The following RALGAPB variants were observed in gnomAD, a reference collection of about 807,000 sequenced individuals.
The protein encoded by RALGAPB is ral GTPase-activating protein subunit beta.
A neutral mutation model predicts 161.1 loss-of-function variants in RALGAPB; 25 were observed. That is an observed-to-expected ratio of 0.16 (90% CI 0.11 to 0.22). The LOEUF is 0.22. Ranked by LOEUF, RALGAPB falls within the 10% of genes least tolerant of loss-of-function variation. The pLI, the probability that RALGAPB is intolerant of heterozygous loss-of-function variation, is 1.00. For missense variants in RALGAPB, 1,391 were observed against 1,815.2 expected, an observed-to-expected ratio of 0.77 and a Z score of 4.25; for synonymous variants, 629 against 626.1, an observed-to-expected ratio of 1.00 and a Z score of -0.07.
intron 24 of RALGAPB, among the ~76,000 whole-genome samples, chr20:38,564,082 C>T (rs1015499332): frequency 1.3e-5 from 2 of 152,102 alleles, no homozygotes; most frequent in Non-Finnish European, 2.9e-5. Context: ...GAACTAGTAT[C>T]AGAGGTCAGT....
chr20:38,568,159 C>T (rs909556407), intron 26 of RALGAPB, among the ~76,000 whole-genome samples: 1 of 151,800 alleles, frequency 6.6e-6, no homozygotes. Context: ...TTCTGAATGC[C>T]AGCATAGTTA....
chr20:38,509,270 T>C (rs1389275860), intron 6 of RALGAPB, 62 bp downstream of exon 6: 2 of 1,534,798 alleles, frequency 1.3e-6, no homozygotes, highest in Non-Finnish European at 1.8e-6. Context: ...GCAGGAATCA[T>C]GCTGTAAGTC....
intron 1 of RALGAPB, among the ~76,000 whole-genome samples, chr20:38,481,525 A>C (rs982886912): frequency 2.6e-5 from 4 of 152,174 alleles, no homozygotes; most frequent in Non-Finnish European, 5.9e-5. Flanking sequence ...ATCTCGTGAG[A>C]TTCATTCGCT....
rs754749634 is a variant in RALGAPB at position 38,526,057 on chromosome 20, G to C, written c.2050+15G>C. On this transcript the variant is annotated intron_variant, in intron 13 of 29. Coordinates refer to ENST00000262879, the MANE Select transcript of RALGAPB (RefSeq NM_020336.4). ...AATGATATTAGGTTTGTATTCACACGTTATTTTGTAAGTGAAACCAAAGTA... is the reference window on the plus strand; with the variant it reads ...AATGATATTAGGTTTGTATTCACACCTTATTTTGTAAGTGAAACCAAAGTA... The C allele has an allele frequency of 1.9e-6, 3 of 1,612,728 alleles. No homozygotes were observed. The African/African-American group carries it at 4.0e-5, about 22-fold the overall frequency.
At chr20:38,518,892 G>C (rs2086209487) in intron 9 of RALGAPB, among the ~76,000 whole-genome samples, 1 of 152,176 alleles carries the variant, frequency 6.6e-6, no homozygotes, top group Non-Finnish European at 1.5e-5. Flanking sequence ...TAGGGAGACT[G>C]TCAGTTCCAA....
chr20:38,498,867 G>C (rs1427345950), intron 4 of RALGAPB, among the ~76,000 whole-genome samples: 1 of 152,162 alleles, frequency 6.6e-6, no homozygotes, highest in African/African-American at 2.4e-5. Flanking sequence ...TTGAAGGGTG[G>C]CTTTCAAATA....
intron 5 of RALGAPB, among the ~76,000 whole-genome samples, chr20:38,508,745 T>C (rs1372333453): frequency 6.6e-6 from 1 of 152,210 alleles, no homozygotes; most frequent in Non-Finnish European, 1.5e-5. Flanking sequence ...GAAATCATCT[T>C]GAAAGTCTCC....
rs28452159 is a variant in RALGAPB at position 38,574,132 on chromosome 20, C to T, written c.4143-18C>T. The T allele has an allele frequency of 6.3e-7, 1 of 1,594,836 alleles. No individual in the cohort carries two copies. The highest frequency in any genetic ancestry group is 1.8e-5 in the Admixed American group (1 of 56,454). ...TTCAACTCTTGGGTGTCTGAGATAA[C>T]AATTTTCTTTTCTTAAGATCTACAA... On this transcript the variant is annotated intron_variant, in intron 28 of 29. Coordinates refer to ENST00000262879, the MANE Select transcript of RALGAPB (RefSeq NM_020336.4).
chr20:38,558,086 G>A (rs1182819794), intron 22 of RALGAPB, among the ~76,000 whole-genome samples: 1 of 152,142 alleles, frequency 6.6e-6, no homozygotes, highest in Non-Finnish European at 1.5e-5. Context: ...TATAATCTCA[G>A]TTGTCTTTAA....
intron 20 of RALGAPB, among the ~76,000 whole-genome samples, chr20:38,549,581 C>T (rs1601020610): frequency 1.3e-5 from 1 of 76,870 alleles, no homozygotes; most frequent in African/African-American, 2.8e-5. Context: ...CACACACATA[C>T]ATATACACAC....
In RALGAPB at chr20:38,564,124, G is replaced by A. The variant is rs183110138; in HGVS notation, c.3698-1235G>A. ...TGCACATTTTGCCTGCTGCAGAATA[G>A]GGGTGGATAGAGTGGCTATTGGGAT... is the stretch of plus-strand genomic sequence containing the variant. On this transcript the variant is annotated intron_variant, in intron 24 of 29. Coordinates refer to ENST00000262879, the MANE Select transcript of RALGAPB (RefSeq NM_020336.4). Among the ~76,000 whole-genome samples, 244 of 152,314 alleles carry A rather than the reference G, an allele frequency of 1.6e-3. 1 individual carries two copies. Among genetic ancestry groups the A allele is most frequent in the Non-Finnish European group, 2.5e-3 (169 of 68,030 alleles).
chr20:38,474,742 A>C (rs2084755827), intron 1 of RALGAPB, among the ~76,000 whole-genome samples: 1 of 152,036 alleles, frequency 6.6e-6, no homozygotes, highest in South Asian at 2.1e-4. Context: ...TTCTATCCCT[A>C]CTTCTAGATT....
rs1005193994 is a variant in RALGAPB at position 38,516,295 on chromosome 20, C to T, written c.976C>T (p.Pro326Ser). The T allele has an allele frequency of 1.2e-6, 2 of 1,614,018 alleles. No individual in the cohort carries two copies. The highest frequency in any genetic ancestry group is 1.7e-6 in the Non-Finnish European group (2 of 1,179,898). The change falls in exon 7 of 30, where the codon CCC becomes TCC. Residue 326 changes from proline to serine, a missense_variant. By Grantham distance (74) the Pro-to-Ser change is moderately conservative (BLOSUM62 -1). This residue lies in a region of RALGAPB where 946 missense variants were observed against 1,257.2 expected (regional missense o/e 0.75). Coordinates refer to ENST00000262879, the MANE Select transcript of RALGAPB (RefSeq NM_020336.4). ...AATGCCGCAAGAATTGAATCAGTAT[C>T]CCTGCCTTAAACATCTGCCTCAAAT... Reference protein sequence around the residue: ...SGMPQELNQYPCLKHLPQIFF... With the variant: ...SGMPQELNQYSCLKHLPQIFF...
rs896123584 is a variant in RALGAPB, at chr20:38,576,327, A to C, written c.*1360A>C. The C allele has an allele frequency of 2.0e-5, 3 of 152,706 alleles. No individual in the cohort carries two copies. The highest frequency in any genetic ancestry group is 4.4e-5 in the Non-Finnish European group (3 of 68,062). 9.5% of individuals were successfully genotyped at this position (152,706 alleles called of 1,614,324 possible). On this transcript the variant is annotated 3_prime_UTR_variant, in exon 30 of 30. Coordinates refer to ENST00000262879, the MANE Select transcript of RALGAPB (RefSeq NM_020336.4). ...GTTTTCCCACTTGAACTCTGATGTC[A>C]GTCGACTGTGGGTCAGAGCTACAAC...
intron 5 of RALGAPB, among the ~76,000 whole-genome samples, chr20:38,504,766 G>T (rs1030453665): frequency 6.6e-6 from 1 of 151,940 alleles, no homozygotes; most frequent in South Asian, 2.1e-4. Context: ...ACAGGCAAAA[G>T]ACATGAACAG....
At chr20:38,531,070 T>G (rs1714048654) in intron 13 of RALGAPB, 97 bp from the exon 14 acceptor site, 2 of 1,101,990 alleles carry the variant, frequency 1.8e-6, no homozygotes, top group African/African-American at 1.6e-5. Flanking sequence ...TCAACCAAAA[T>G]TATATTCTTA....
intron 13 of RALGAPB, among the ~76,000 whole-genome samples, chr20:38,529,418 T>C (rs2086578487): frequency 6.6e-6 from 1 of 151,148 alleles, no homozygotes; most frequent in South Asian, 2.1e-4. Context: ...CTTGGGAGGC[T>C]GAGATAGGAG....
At chr20:38,493,807 C>T (rs2085340433) in intron 3 of RALGAPB, among the ~76,000 whole-genome samples, 1 of 152,228 alleles carries the variant, frequency 6.6e-6, no homozygotes, top group Non-Finnish European at 1.5e-5. Flanking sequence ...GTCTCCAGAA[C>T]TCTGGTCTGT....
At chr20:38,478,912 G>A (rs941478260) in intron 1 of RALGAPB, among the ~76,000 whole-genome samples, 3 of 152,020 alleles carry the variant, frequency 2.0e-5, no homozygotes, top group South Asian at 2.1e-4. Flanking sequence ...CACTGCACCC[G>A]GCCAATTTTT....
Sources: gnomAD v4.1 joint callset for allele counts (sites outside exome capture counted in the v4.1 genomes callset) on GRCh38, gnomAD v4.1.1 for gene constraint, gnomAD v4.1.1 regional missense constraint, MANE v1.5 for transcripts, NCBI Gene and HGNC (gene_info 2026-07-23, HGNC 2026-07-21) for gene names.